The following ODF2L variants were observed in gnomAD, a reference collection of about 807,000 sequenced individuals.
The protein encoded by ODF2L is protein BCAP.
Under a neutral mutation model 86.3 loss-of-function variants are expected in ODF2L, and 76 were observed. That is an observed-to-expected ratio of 0.88 (90% confidence interval 0.73 to 1.07). ODF2L has a LOEUF of 1.07. Among genes scored for constraint, ODF2L ranks in the 50% least tolerant of loss-of-function variants. The pLI, the probability that ODF2L is intolerant of heterozygous loss-of-function variation, is 0.00. For synonymous variants in ODF2L, 241 were observed against 231.3 expected (o/e 1.04, Z -0.38); for missense variants, 748 against 717.4 (o/e 1.04, Z -0.49).
intron 1 of ODF2L, among the ~76,000 whole-genome samples, chr1:86,392,282 T>C (rs758375551): frequency 1.4e-4 from 22 of 152,156 alleles, no homozygotes; most frequent in Non-Finnish European, 2.9e-4. Flanking sequence ...TGGAGATTCC[T>C]TAAAGAACTA....
At chr1:86,392,542 T>C (rs912402494) in intron 1 of ODF2L, among the ~76,000 whole-genome samples, 84 of 152,214 alleles carry the variant, frequency 5.5e-4, no homozygotes, top group African/African-American at 1.9e-3. Context: ...ACTATTACTC[T>C]AAGTGAAGTA....
At chr1:86,367,606 G>A (rs1370537308) in intron 11 of ODF2L, among the ~76,000 whole-genome samples, 1 of 151,366 alleles carries the variant, frequency 6.6e-6, no homozygotes, top group Non-Finnish European at 1.5e-5. Context: ...AATGATAAGG[G>A]CAAAGAGTAC....
chr1:86,372,358 C>T, intron 9 of ODF2L, 73 bp downstream of exon 9: 1 of 667,430 alleles, frequency 1.5e-6, no homozygotes, highest in African/African-American at 1.9e-5. Flanking sequence ...AATCAAAATA[C>T]AAACAACTCA....
At chr1:86,357,198 G>A (rs769205093) in intron 13 of ODF2L, among the ~76,000 whole-genome samples, 1 of 152,154 alleles carries the variant, frequency 6.6e-6, no homozygotes, top group Non-Finnish European at 1.5e-5. Flanking sequence ...GTTCCTCGCT[G>A]CAGCACTTTC....
chr1:86,353,817 T>A (rs1228780770), intron 16 of ODF2L, among the ~76,000 whole-genome samples: 1 of 152,138 alleles, frequency 6.6e-6, no homozygotes, highest in Non-Finnish European at 1.5e-5. Context: ...CTTGGCGCCG[T>A]CCCCTCAGTG....
downstream of ODF2L, chr1:86,349,287 T>C (rs1405238303): frequency 1.3e-5 from 2 of 152,512 alleles, no homozygotes; most frequent in East Asian, 3.8e-4. Flanking sequence ...TTTGATAATG[T>C]GAACATTTTC....
At chr1:86,368,497 C>T (rs1158116739) in intron 11 of ODF2L, 7 of 651,874 alleles carry the variant, frequency 1.1e-5, no homozygotes, top group East Asian at 7.2e-5. Context: ...TTAAAACTAG[C>T]TCCTCAAAGA....
In ODF2L at chr1:86,354,816, T is replaced by C. The variant is rs764282140; in HGVS notation, c.1562A>G (p.Glu521Gly). ...CTTCAGCTGAATAAGACAGTTTTCC[T>C]CTTCCAGAGAAAGCTTTGTCAGAAG... The change falls in exon 15 of 18, where the codon GAG (glutamate) becomes GGG (glycine). Residue 521 changes from glutamate (E) to glycine (G), a missense_variant. Glu to Gly is a moderately conservative substitution (Grantham distance 98). Coordinates refer to ENST00000317336, the Ensembl canonical transcript of ODF2L. The C allele has an allele frequency of 2.5e-6, 4 of 1,607,662 alleles. No individual in the cohort carries two copies. The highest frequency in any genetic ancestry group is 4.5e-5 in the East Asian group (2 of 44,776).
intron 7 of ODF2L, 24 bp from the exon 8 acceptor site, chr1:86,376,442 T>TA (rs1329610098): frequency 1.4e-6 from 2 of 1,468,758 alleles, no homozygotes; most frequent in African/African-American, 2.8e-5. Flanking sequence ...TAGCAACAAT[T>TA]AAATTATTTC....
At chr1:86,393,395 A>C (rs947176210) in intron 1 of ODF2L, among the ~76,000 whole-genome samples, 4 of 152,186 alleles carry the variant, frequency 2.6e-5, no homozygotes, top group African/African-American at 9.7e-5. Context: ...AAAAAAAAAA[A>C]AAGGATAGGA....
chr1:86,376,807 G>A (rs1194298114), intron 7 of ODF2L, among the ~76,000 whole-genome samples: 2 of 152,100 alleles, frequency 1.3e-5, no homozygotes, highest in Admixed American at 6.5e-5. Context: ...CTCCCACCAG[G>A]TCTCTCCCTA....
intron 7 of ODF2L, among the ~76,000 whole-genome samples, chr1:86,377,293 G>A (rs1413630030): frequency 6.6e-6 from 1 of 152,176 alleles, no homozygotes; most frequent in Non-Finnish European, 1.5e-5. Context: ...GGCAGCTCCA[G>A]CCTTATGGCC....
chr1:86,356,617 T>C lies in ODF2L; in HGVS notation c.1360-15A>G. 1 of 1,607,152 alleles carries C rather than the reference T, an allele frequency of 6.2e-7. No individual in the cohort carries two copies. On this transcript the variant is annotated splice_polypyrimidine_tract_variant and intron_variant, in intron 13 of 17. Transcript: ENST00000317336. Reference sequence around the variant, plus strand: ...TGGCCTCTCATCTGAGTTGTGGCAGTAGGGAAATAAGTGCAAGATCACACA... The same window carrying C: ...TGGCCTCTCATCTGAGTTGTGGCAGCAGGGAAATAAGTGCAAGATCACACA...
intron 14 of ODF2L, 197 bp from the exon 14 acceptor site, chr1:86,355,056 T>C (rs1391662595): frequency 3.6e-6 from 2 of 555,722 alleles, no homozygotes; most frequent in East Asian, 5.8e-5. Context: ...AAAGAAGTTA[T>C]GTTGCCTGTA....
intron 11 of ODF2L, among the ~76,000 whole-genome samples, chr1:86,364,652 A>C (rs919469658): frequency 3.9e-5 from 6 of 152,084 alleles, no homozygotes; most frequent in Admixed American, 2.6e-4. Context: ...AAGGGGAGGA[A>C]ATTTTTTAAA....
At chr1:86,386,985 A>G (rs1661000872) in exon 2 of ODF2L, 1 of 1,590,472 alleles carries the variant, frequency 6.3e-7, no homozygotes, top group African/African-American at 1.4e-5. Context: ...AGATGGCAAA[A>G]GAGTTCTTCT....
chr1:86,375,658 T>C (rs930455747), intron 8 of ODF2L, among the ~76,000 whole-genome samples: 1 of 152,230 alleles, frequency 6.6e-6, no homozygotes, highest in Admixed American at 6.5e-5. Flanking sequence ...GGTGTGTTTA[T>C]GTCAGCACAT....
chr1:86,356,083 A>G (rs1415175769), intron 14 of ODF2L: 7 of 202,910 alleles, frequency 3.4e-5, no homozygotes, highest in Non-Finnish European at 6.2e-5. Flanking sequence ...TACAATTCTA[A>G]TTAAAATAAA....
At chr1:86,391,207 A>G (rs1570443783) in intron 1 of ODF2L, among the ~76,000 whole-genome samples, 1 of 152,234 alleles carries the variant, frequency 6.6e-6, no homozygotes, top group South Asian at 2.1e-4. Context: ...AACAAATGGA[A>G]CACAACCCAT....
Sources: gnomAD v4.1 joint callset for allele counts (sites outside exome capture counted in the v4.1 genomes callset) on GRCh38, gnomAD v4.1.1 for gene constraint, MANE v1.5 for transcripts, NCBI Gene and HGNC (gene_info 2026-07-23, HGNC 2026-07-21) for gene names.